Variants in USP53 observed in about 807,000 individuals in gnomAD.
The protein encoded by USP53 is ubiquitin specific peptidase 53, also known as ubiquitin carboxyl-terminal hydrolase 53.
Under a neutral mutation model 94.9 loss-of-function variants are expected in USP53, and 71 were observed. The observed-to-expected ratio is 0.75, with a 90% CI of 0.62 to 0.91. The LOEUF is 0.91. USP53 is among the 40% of genes least tolerant of loss of function. The pLI, the probability that USP53 is intolerant of heterozygous loss-of-function variation, is 0.00. For synonymous variants in USP53, 375 were observed against 422.7 expected, an observed-to-expected ratio of 0.89 and a Z score of 1.39; for missense variants, 1,173 against 1,281.0, an observed-to-expected ratio of 0.92 and a Z score of 1.29.
intron 1 of USP53, among the ~76,000 whole-genome samples, chr4:119,213,637 A>AATAGAT (rs1743194588): frequency 2.5e-5 from 1 of 40,668 alleles, no homozygotes; most frequent in African/African-American, 1.3e-4. Flanking sequence ...CTTATCTGGA[A>AATAGAT]ATAGATATAT....
chr4:119,215,753 G>A (rs1376105145), intron 2 of USP53, among the ~76,000 whole-genome samples: 1 of 152,108 alleles, frequency 6.6e-6, no homozygotes, highest in East Asian at 1.9e-4. Flanking sequence ...TCTGGCTAAA[G>A]AATTATGATT....
At chr4:119,229,426 A>G (rs1745756346) in intron 3 of USP53, among the ~76,000 whole-genome samples, 1 of 152,172 alleles carries the variant, frequency 6.6e-6, no homozygotes, top group South Asian at 2.1e-4. Context: ...TTTGAATCTA[A>G]ATATTTACTG....
At chr4:119,230,965 G>T (rs144458657) in intron 3 of USP53, among the ~76,000 whole-genome samples, 17 of 152,302 alleles carry the variant, frequency 1.1e-4, no homozygotes, top group Admixed American at 3.3e-4. Flanking sequence ...GGTGGTCACT[G>T]TGGCATATCT....
chr4:119,255,963 A>G (rs1423455415), intron 7 of USP53, among the ~76,000 whole-genome samples: 1 of 152,192 alleles, frequency 6.6e-6, no homozygotes, highest in East Asian at 1.9e-4. Context: ...TAAATTGTAG[A>G]TGTCAGTCAC....
At chr4:119,258,641 A>G (rs1750072337) in intron 9 of USP53, among the ~76,000 whole-genome samples, 1 of 152,210 alleles carries the variant, frequency 6.6e-6, no homozygotes, top group Non-Finnish European at 1.5e-5. Context: ...AAGGAGGAGC[A>G]AAGTCACATC....
chr4:119,274,242 C>T (rs1425030095), intron 17 of USP53, among the ~76,000 whole-genome samples: 1 of 108,702 alleles, frequency 9.2e-6, no homozygotes, highest in Admixed American at 1.1e-4. Context: ...TGCTATCCCT[C>T]CCCCCTCCCC....
intron 17 of USP53, among the ~76,000 whole-genome samples, chr4:119,285,584 A>G (rs1342416083): frequency 1.3e-5 from 2 of 151,890 alleles, no homozygotes; most frequent in African/African-American, 4.8e-5. Context: ...CTGTACCTCC[A>G]CTTTCTTAAG....
chr4:119,291,593 T>C (rs1381836159), intron 18 of USP53, among the ~76,000 whole-genome samples: 1 of 152,242 alleles, frequency 6.6e-6, no homozygotes, highest in Non-Finnish European at 1.5e-5. Context: ...TCCTCAACTC[T>C]CTTTAACCAT....
intron 3 of USP53, among the ~76,000 whole-genome samples, chr4:119,229,845 G>A (rs1745814756): frequency 6.6e-6 from 1 of 152,048 alleles, no homozygotes; most frequent in Non-Finnish European, 1.5e-5. Context: ...AAAGCTTTTT[G>A]CCACCTATTA....
Position 119,248,759 on chromosome 4 carries a change from A to T in USP53, c.249A>T (p.Ala83=). The T allele has an allele frequency of 6.2e-7, 1 of 1,611,478 alleles. No homozygotes were observed. Among genetic ancestry groups the T allele is most frequent in the Non-Finnish European group, 8.5e-7 (1 of 1,179,232 alleles). The part of the protein sequence containing the change: ...CIFCALKTIF[A]QFQHSREKAL... ...TTGTCGATTCCCAGACGATATTTGC[A>T]CAGTTCCAACACAGTCGAGAAAAAG... The change falls in exon 7 of 19, where the codon GCA becomes GCT. Residue 83 remains alanine (A), a synonymous_variant. Transcript: ENST00000692078.
intron 9 of USP53, among the ~76,000 whole-genome samples, chr4:119,259,006 C>T (rs1250157761): frequency 1.3e-5 from 2 of 152,144 alleles, no homozygotes; most frequent in South Asian, 4.1e-4. Flanking sequence ...CCTGGCTGAG[C>T]TCAGTGGCTC....
chr4:119,229,488 G>A (rs1041898033), intron 3 of USP53, among the ~76,000 whole-genome samples: 2 of 151,964 alleles, frequency 1.3e-5, no homozygotes, highest in Admixed American at 1.3e-4. Context: ...ATCCCAAATG[G>A]AACTCAATAT....
intron 17 of USP53, among the ~76,000 whole-genome samples, chr4:119,286,275 A>G (rs1270535338): frequency 6.6e-6 from 1 of 151,494 alleles, no homozygotes; most frequent in Admixed American, 6.6e-5. Flanking sequence ...TAGATGAAAT[A>G]TATATTTTGA....
chr4:119,267,439 G>C lies in USP53; in HGVS notation c.1092G>C (p.Gln364His), dbSNP rs762513864. 1.9e-6 allele frequency: 3 copies of C among 1,613,666 alleles called. No individual in the cohort carries two copies. The highest frequency in any genetic ancestry group is 2.5e-6 in the Non-Finnish European group (3 of 1,179,890). The part of the protein sequence containing the change: ...TAVSTEDALR[Q>H]VISWSHYKSV... ...TTTCTACTGAGGATGCACTCAGGCA[G>C]GTCATCAGCTGGTCACATTACAAAT... is the stretch of plus-strand genomic sequence containing the variant. The change falls in exon 13 of 19, where the codon CAG becomes CAC. Residue 364 changes from glutamine (Q) to histidine (H), a missense_variant. Coordinates refer to ENST00000692078, the MANE Select transcript of USP53 (RefSeq NM_001371395.1).
At chr4:119,273,549 G>A (rs1752143069) in intron 16 of USP53, 83 bp from the exon 17 acceptor site, 6 of 1,001,750 alleles carry the variant, frequency 6.0e-6, no homozygotes, top group Non-Finnish European at 8.6e-6. Flanking sequence ...TATAATAAAT[G>A]TTTAACAAAT....
chr4:119,276,379 C>G (rs1340861628), intron 17 of USP53, among the ~76,000 whole-genome samples: 16 of 150,288 alleles, frequency 1.1e-4, no homozygotes, highest in Non-Finnish European at 1.9e-4. Context: ...GTCTTTGGCT[C>G]TGTTTATATG....
chr4:119,240,055 T>C, intron 5 of USP53, 152 bp downstream of exon 5: 1 of 825,032 alleles, frequency 1.2e-6, no homozygotes, highest in Non-Finnish European at 1.6e-6. Context: ...GTGTTTTGGC[T>C]GGTCATTTTG....
intron 2 of USP53, among the ~76,000 whole-genome samples, chr4:119,216,926 T>A (rs532422960): frequency 6.6e-6 from 1 of 152,332 alleles, no homozygotes; most frequent in African/African-American, 2.4e-5. Context: ...ACGTGGAAGA[T>A]AATGTTATTA....
rs559109762 is a variant in USP53, at chr4:119,239,518, G to A, written c.-242G>A. 39 of 449,398 alleles carry A rather than the reference G, an allele frequency of 8.7e-5. No homozygotes were observed. In the Middle Eastern group the frequency reaches 1.7e-3, roughly 20 times the overall value. The allele number at this position is 449,398 out of a possible 1,614,324, so 27.8% of individuals were successfully genotyped here. On this transcript the variant is annotated 5_prime_UTR_variant, in exon 5 of 19. Coordinates refer to ENST00000692078, the MANE Select transcript of USP53 (RefSeq NM_001371395.1). ...TTTAACACATATAAACATCTTTAAC[G>A]CCTTGTTTAAAATAGCTTTCTTTTT...
Sources: allele counts gnomAD v4.1 joint callset (sites outside exome capture counted in the v4.1 genomes callset), GRCh38; gene constraint gnomAD v4.1.1; transcripts MANE v1.5; gene names NCBI Gene and HGNC (gene_info 2026-07-23, HGNC 2026-07-21).